The following MUC17 variants were observed in gnomAD, a reference collection of about 807,000 sequenced individuals.
MUC17 encodes the protein mucin-17.
Under a neutral mutation model 170.3 loss-of-function variants are expected in MUC17, and 190 were observed. The observed-to-expected ratio is 1.12, with a 90% CI of 0.99 to 1.26. MUC17 has a LOEUF of 1.26. MUC17 is among the 50% of genes most tolerant of loss of function. The pLI is 0.00. For synonymous variants in MUC17, 2,325 were observed against 2,002.5 expected (o/e 1.16, Z -4.30); for missense variants, 6,415 against 5,530.0 (o/e 1.16, Z -5.08).
chr7:101,053,730 A>G (rs1794997517), intron 11 of MUC17: 1 of 191,930 alleles, frequency 5.2e-6, no homozygotes, highest in Admixed American at 5.9e-5. Context: ...ATACAAAAAA[A>G]TTAGCTGGGC....
intron 3 of MUC17, 133 bp from the exon 4 acceptor site, chr7:101,047,851 C>T (rs1794869161): frequency 9.0e-7 from 1 of 1,106,836 alleles, no homozygotes; most frequent in Non-Finnish European, 1.2e-6. Flanking sequence ...ACAAATTAGA[C>T]AGTGTCCGTG....
At chr7:101,050,809 A>G (rs546523806) in intron 7 of MUC17, among the ~76,000 whole-genome samples, 174 bp downstream of exon 7, 1 of 152,192 alleles carries the variant, frequency 6.6e-6, no homozygotes, top group Admixed American at 6.5e-5. Flanking sequence ...TTGGGCCGAG[A>G]GAGTCTTTAA....
At position 101,020,158 on chromosome 7, in the gene MUC17, C is replaced by T. The variant is rs765830366; in HGVS notation, c.23C>T (p.Ala8Val). ...CCGATGCCAAGGCCAGGGACCATGG[C>T]GCTGTGTCTGCTGACCTTGGTCCTC... is the stretch of plus-strand genomic sequence containing the variant. MPRPGTMALCLLTLVLSL... is the reference protein window; with the variant it reads MPRPGTMVLCLLTLVLSL... Residue 8 changes from alanine (A) to valine (V), a missense_variant, in exon 1 of 13, where the codon GCG (alanine) becomes GTG (valine). Physicochemically the swap from Ala to Val is moderately conservative, Grantham distance 64 (BLOSUM62 0). Coordinates refer to ENST00000306151, the MANE Select transcript of MUC17 (RefSeq NM_001040105.2). 11 of 1,608,084 alleles carry T rather than the reference C, an allele frequency of 6.8e-6. No homozygotes were observed. Among genetic ancestry groups the T allele is most frequent in the South Asian group, 2.2e-5 (2 of 89,616 alleles).
chr7:101,024,401 A>C (rs1296301995), intron 1 of MUC17, among the ~76,000 whole-genome samples: 1 of 99,094 alleles, frequency 1.0e-5, no homozygotes, highest in Non-Finnish European at 1.9e-5. Flanking sequence ...CTCTATCTCA[A>C]AAAAAAAAAA....
intron 1 of MUC17, among the ~76,000 whole-genome samples, chr7:101,025,794 CA>C (rs35636191): frequency 0.02 from 1,948 of 96,192 alleles, 18 homozygotes; most frequent in African/African-American, 0.054. Flanking sequence ...ATCTCTCTCT[CA>C]AAAAAAAAAA....
Position 101,032,802 on chromosome 7 carries a change from T to C in MUC17, c.1386T>C (p.Thr462=). The change falls in exon 3 of 13, where the codon ACT becomes ACC. Residue 462 remains threonine (T), a synonymous_variant. Transcript: ENST00000306151. ...TAACAAGTATGCCTGTCAGCACCAC[T>C]CCAGTGGCCAGTTCTGAGGCTAGCA... ...TPLTSMPVST[T]PVASSEASNL... is the part of the protein sequence containing the mutation. The C allele has an allele frequency of 1.2e-6, 2 of 1,602,016 alleles. No individual in the cohort carries two copies. The highest frequency in any genetic ancestry group is 2.3e-5 in the East Asian group (1 of 44,292).
rs770429546 is a variant in MUC17 at position 101,038,506 on chromosome 7, G to C, written c.7090G>C (p.Asp2364His). Residue 2364 changes from aspartate to histidine, a missense_variant, in exon 3 of 13, where the codon GAC (aspartate) becomes CAC (histidine). Asp to His is a moderately conservative substitution (Grantham distance 81). Transcript: ENST00000306151. ...ETSTLSTTPADTSTPVTTYSQ... is the reference protein window; with the variant it reads ...ETSTLSTTPAHTSTPVTTYSQ... ...AAGCACACTTTCTACAACTCCTGCTGACACCAGCACACCTGTGACTACTTA... is the reference window on the plus strand; with the variant it reads ...AAGCACACTTTCTACAACTCCTGCTCACACCAGCACACCTGTGACTACTTA... The C allele has an allele frequency of 1.9e-6, 3 of 1,604,852 alleles. No individual in the cohort carries two copies. The highest frequency in any genetic ancestry group is 2.6e-6 in the Non-Finnish European group (3 of 1,174,412).
At chr7:101,021,003 C>A (rs1161788060) in intron 1 of MUC17, among the ~76,000 whole-genome samples, 1 of 152,150 alleles carries the variant, frequency 6.6e-6, no homozygotes, top group African/African-American at 2.4e-5. Flanking sequence ...GGGTCCCTGC[C>A]CCTCGAGATG....
Position 101,051,960 on chromosome 7 carries a change from C to T in MUC17, c.13101C>T (p.Cys4367=). The change falls in exon 9 of 13, where the codon TGC becomes TGT. Residue 4367 remains cysteine, a splice_region_variant and synonymous_variant. Coordinates refer to ENST00000306151, the MANE Select transcript of MUC17 (RefSeq NM_001040105.2). ...AGATGTCTCTAAGTGGACCTCAGTG[C>T]CTGTGAGTGCTCCCCCATCTCCTCC... The part of the protein sequence containing the change: ...KCQMSLSGPQ[C]LCVTTETHWY... The T allele has an allele frequency of 6.2e-7, 1 of 1,611,144 alleles. No individual in the cohort carries two copies. Among genetic ancestry groups the T allele is most frequent in the Non-Finnish European group, 8.5e-7 (1 of 1,177,946 alleles).
chr7:101,052,871 C>T (rs1166283850), intron 9 of MUC17, 115 bp from the exon 10 acceptor site: 9 of 1,286,818 alleles, frequency 7.0e-6, no homozygotes, highest in African/African-American at 6.0e-5. Context: ...TTTATGCCCC[C>T]TGGCAATCTC....
At chr7:101,021,782 C>T (rs577871706) in intron 1 of MUC17, among the ~76,000 whole-genome samples, 8 of 152,274 alleles carry the variant, frequency 5.3e-5, no homozygotes, top group African/African-American at 1.7e-4. Context: ...CTGACCCTTT[C>T]CATGTCCCTT....
chr7:101,026,610 G>A (rs1038398193), intron 1 of MUC17, among the ~76,000 whole-genome samples: 6 of 152,284 alleles, frequency 3.9e-5, no homozygotes. Flanking sequence ...TAAGAGATAT[G>A]ACCTCGCTCT....
chr7:101,038,287 G>T lies in MUC17; in HGVS notation c.6871G>T (p.Val2291Leu). ...LTSIPVSHTL[V>L]ANSEVSTLST... ...AAGTATACCTGTCAGCCACACGCTG[G>T]TGGCCAATTCTGAGGTTAGCACCCT... Residue 2291 changes from valine (V) to leucine (L), a missense_variant, in exon 3 of 13, where the codon GTG becomes TTG. Val to Leu is a conservative substitution (Grantham distance 32). Transcript: ENST00000306151. The T allele has an allele frequency of 1.9e-6, 3 of 1,613,840 alleles. No individual in the cohort carries two copies. Among genetic ancestry groups the T allele is most frequent in the South Asian group, 2.2e-5 (2 of 91,038 alleles).
chr7:101,042,993 T>G lies in MUC17; in HGVS notation c.11577T>G (p.Ala3859=). 3 of 1,614,158 alleles carry G rather than the reference T, an allele frequency of 1.9e-6. No individual in the cohort carries two copies. Among genetic ancestry groups the G allele is most frequent in the Non-Finnish European group, 2.5e-6 (3 of 1,180,026 alleles). Reference sequence around the variant, plus strand: ...AAGCCGGTTCATTCTCCATACCTGCTGAAGTCACTACCATACGTATTTCAA... The same window carrying G: ...AAGCCGGTTCATTCTCCATACCTGCGGAAGTCACTACCATACGTATTTCAA... The part of the protein sequence containing the change: ...STKAGSFSIP[A]EVTTIRISIT... The change falls in exon 3 of 13, where the codon GCT becomes GCG. Residue 3859 remains alanine (A), a synonymous_variant. Coordinates refer to ENST00000306151, the MANE Select transcript of MUC17 (RefSeq NM_001040105.2).
intron 11 of MUC17, among the ~76,000 whole-genome samples, chr7:101,054,595 G>A (rs1018216134): frequency 6.6e-5 from 10 of 152,134 alleles, no homozygotes; most frequent in Admixed American, 1.3e-4. Context: ...TTGGGAGGCC[G>A]AGGCTGGAGG....
Position 101,041,019 on chromosome 7 carries a change from C to A in MUC17, c.9603C>A (p.Ala3201=). Reference sequence around the variant, plus strand: ...CACCTGTGACCACTTCTACTGAAGCCACTTCATCTACAACTGCTGAAGGTA... The same window carrying A: ...CACCTGTGACCACTTCTACTGAAGCAACTTCATCTACAACTGCTGAAGGTA... ...TSTPVTTSTE[A]TSSTTAEGTS... Residue 3201 remains alanine, a synonymous_variant, in exon 3 of 13, where the codon GCC becomes GCA. Coordinates refer to ENST00000306151, the MANE Select transcript of MUC17 (RefSeq NM_001040105.2). 6.2e-7 allele frequency: 1 copy of A among 1,613,650 alleles called. No individual in the cohort carries two copies. Among genetic ancestry groups the A allele is most frequent in the Non-Finnish European group, 8.5e-7 (1 of 1,179,900 alleles).
Position 101,048,077 on chromosome 7 carries a change from G to A in MUC17, c.12497G>A (p.Gly4166Glu). ...LKCQCPNLYYGELCEEVVSSI... is the reference protein window; with the variant it reads ...LKCQCPNLYYEELCEEVVSSI... ...TGCCAGTGTCCCAACCTCTATTATG[G>A]GGAGTTGTGTGAGGAGGTGGTCAGC... The change falls in exon 4 of 13, where the codon GGG becomes GAG. Residue 4166 changes from glycine to glutamate, a missense_variant. Gly to Glu is a moderately conservative substitution (Grantham distance 98). Transcript: ENST00000306151. 6.2e-7 allele frequency: 1 copy of A among 1,604,548 alleles called. No individual in the cohort carries two copies. Among genetic ancestry groups the A allele is most frequent in the Non-Finnish European group, 8.5e-7 (1 of 1,175,980 alleles).
At position 101,043,435 on chromosome 7, in the gene MUC17, A is replaced by G. The variant is rs749796872; in HGVS notation, c.12019A>G (p.Met4007Val). 6.2e-7 allele frequency: 1 copy of G among 1,614,126 alleles called. No homozygotes were observed. The highest frequency in any genetic ancestry group is 8.5e-7 in the Non-Finnish European group (1 of 1,180,022). ...TTAAPLTYVT[M>V]STAPSTPRTT... ...TGCAGCTCCCCTCACATATGTGACC[A>G]TGTCTACTGCCCCCAGCACACCCAG... is the stretch of plus-strand genomic sequence containing the variant. The change falls in exon 3 of 13, where the codon ATG becomes GTG. Residue 4007 changes from methionine (M) to valine (V), a missense_variant. Coordinates refer to ENST00000306151, the MANE Select transcript of MUC17 (RefSeq NM_001040105.2).
Position 101,053,372 on chromosome 7 carries a change from G to T in MUC17, c.13299G>T (p.Trp4433Cys), listed in dbSNP as rs1429483610. The stretch of plus-strand genomic sequence containing the variant: ...ACAGATTGTCTCAGTTATACAAGTG[G>T]CAAGAAGAGGACAGTGGACCAGCTC... ...QKYRLSQLYK[W>C]QEEDSGPAPG... The change falls in exon 11 of 13, where the codon TGG (tryptophan) becomes TGT (cysteine). Residue 4433 changes from tryptophan (W) to cysteine (C), a missense_variant. Trp to Cys is a radical substitution (Grantham distance 215, BLOSUM62 -2). Coordinates refer to ENST00000306151, the MANE Select transcript of MUC17 (RefSeq NM_001040105.2). 6 of 1,613,974 alleles carry T rather than the reference G, an allele frequency of 3.7e-6. No homozygotes were observed. The highest frequency in any genetic ancestry group is 2.2e-5 in the East Asian group (1 of 44,896).
Sources: gnomAD v4.1 joint callset for allele counts (sites outside exome capture counted in the v4.1 genomes callset) on GRCh38, gnomAD v4.1.1 for gene constraint, MANE v1.5 for transcripts, NCBI Gene and HGNC (gene_info 2026-07-23, HGNC 2026-07-21) for gene names.